The following SDK1 variants were observed in gnomAD, a reference collection of about 807,000 sequenced individuals.
SDK1 encodes sidekick cell adhesion molecule 1.
SDK1 carries 157 observed loss-of-function variants against 245.5 expected under a neutral mutation model. The ratio of observed to expected loss-of-function variants is 0.64; its 90% confidence interval spans 0.56 to 0.73. The LOEUF (loss-of-function observed/expected upper bound fraction) is 0.73. Ranked by LOEUF, SDK1 falls within the 30% of genes least tolerant of loss-of-function variation. The pLI, the probability that SDK1 is intolerant of heterozygous loss-of-function variation, is 0.00. For missense variants in SDK1, 3,583 were observed against 3,002.3 expected, an observed-to-expected ratio of 1.19 and a Z score of -4.52; for synonymous variants, 1,647 against 1,278.5, an observed-to-expected ratio of 1.29 and a Z score of -6.15.
intron 22 of SDK1, among the ~76,000 whole-genome samples, chr7:4,099,365 G>A (rs1782389051): frequency 6.8e-6 from 1 of 147,468 alleles, no homozygotes; most frequent in South Asian, 2.2e-4. Context: ...AGCACCGGGT[G>A]GGTCAGGAGG....
At chr7:3,584,937 G>T (rs1237703259) in intron 1 of SDK1, among the ~76,000 whole-genome samples, 2 of 152,016 alleles carry the variant, frequency 1.3e-5, no homozygotes, top group African/African-American at 4.8e-5. Flanking sequence ...TGTTAGCCAG[G>T]ATGGTCCCGA....
rs1057212809 is a variant in SDK1 at position 3,633,447 on chromosome 7, T to C, written c.459-5557T>C. The stretch of plus-strand genomic sequence containing the variant: ...CTTGGAAAGGACTGCTGAACAGTAT[T>C]CTAAAATAGTATTTTGTTAGATGTT... On this transcript the variant is annotated intron_variant, in intron 2 of 44. Coordinates refer to ENST00000404826, the MANE Select transcript of SDK1 (RefSeq NM_152744.4). 3.3e-5 allele frequency among the ~76,000 whole-genome samples: 5 copies of C among 152,276 alleles called. No individual in the cohort carries two copies. In the South Asian group the frequency reaches 1.0e-3, roughly 32 times the overall value.
rs577715390 is a variant in SDK1 at position 3,975,614 on chromosome 7, G to A, written c.1994+1069G>A. ...CATGTGGCTTCTGTGTCTGCCACACGCATGTGGAAATGAGTGAACTCACAA... is the reference window on the plus strand; with the variant it reads ...CATGTGGCTTCTGTGTCTGCCACACACATGTGGAAATGAGTGAACTCACAA... On this transcript the variant is annotated intron_variant, in intron 13 of 44. Transcript: ENST00000404826. 6.6e-5 allele frequency among the ~76,000 whole-genome samples: 10 copies of A among 152,332 alleles called. No homozygotes were observed. In the South Asian group the frequency reaches 1.0e-3, roughly 16 times the overall value.
intron 5 of SDK1, among the ~76,000 whole-genome samples, chr7:3,858,377 C>T (rs941746322): frequency 2.6e-5 from 4 of 151,936 alleles, no homozygotes; most frequent in African/African-American, 9.7e-5. Flanking sequence ...CATAGTGAGA[C>T]CCCATCTCAA....
intron 5 of SDK1, among the ~76,000 whole-genome samples, chr7:3,872,244 C>T (rs1352322268): frequency 6.6e-6 from 1 of 152,080 alleles, no homozygotes; most frequent in Non-Finnish European, 1.5e-5. Flanking sequence ...GAGAGTTATT[C>T]ATCCATAGTT....
At chr7:4,021,281 A>T (rs896079600) in intron 17 of SDK1, among the ~76,000 whole-genome samples, 1 of 152,088 alleles carries the variant, frequency 6.6e-6, no homozygotes, top group Non-Finnish European at 1.5e-5. Flanking sequence ...CTATCCACAG[A>T]TCGGGGTACT....
intron 1 of SDK1, among the ~76,000 whole-genome samples, chr7:3,543,626 A>G (rs1013540958): frequency 6.6e-6 from 1 of 152,150 alleles, no homozygotes; most frequent in African/African-American, 2.4e-5. Context: ...AAAGTTTGGA[A>G]TGGTGCACTC....
intron 5 of SDK1, among the ~76,000 whole-genome samples, chr7:3,944,024 G>A (rs1203001969): frequency 4.6e-5 from 7 of 152,206 alleles, no homozygotes; most frequent in East Asian, 1.9e-4. Context: ...CCTGGGAAAC[G>A]TTCAGTTGAG....
intron 1 of SDK1, among the ~76,000 whole-genome samples, chr7:3,387,358 G>C (rs537476113): frequency 4.6e-5 from 7 of 152,108 alleles, no homozygotes; most frequent in Non-Finnish European, 1.0e-4. Flanking sequence ...CCAGAGGTGG[G>C]CTGTCTTCTC....
intron 1 of SDK1, among the ~76,000 whole-genome samples, chr7:3,401,347 A>G (rs1421788478): frequency 6.6e-6 from 1 of 152,136 alleles, no homozygotes; most frequent in East Asian, 1.9e-4. Context: ...AACAATTACA[A>G]TTTTCCTGTT....
chr7:3,633,947 C>T (rs748224203), intron 2 of SDK1, among the ~76,000 whole-genome samples: 2 of 152,096 alleles, frequency 1.3e-5, no homozygotes, highest in African/African-American at 2.4e-5. Flanking sequence ...TGGCACTGGA[C>T]ACTCCCCTAC....
At chr7:3,703,977 G>A (rs1784814488) in intron 4 of SDK1, among the ~76,000 whole-genome samples, 1 of 152,274 alleles carries the variant, frequency 6.6e-6, no homozygotes, top group Middle Eastern at 3.4e-3. Flanking sequence ...GTATGGTGGT[G>A]AAGTCTGAGA....
At position 3,988,143 on chromosome 7, in the gene SDK1, T is replaced by G. The variant is rs1377535619; in HGVS notation, c.2131+821T>G. On this transcript the variant is annotated intron_variant, in intron 14 of 44. Transcript: ENST00000404826. ...TCCATCTTTTTAATGTTTTTTTTTT[T>G]TTTTTTTTTTTTTTACCTCACTCCT... 5.5e-5 allele frequency among the ~76,000 whole-genome samples: 8 copies of G among 145,318 alleles called. No individual in the cohort carries two copies. The East Asian group carries it at 5.9e-4, about 11-fold the overall frequency.
At chr7:3,654,568 A>G (rs1783104235) in intron 4 of SDK1, among the ~76,000 whole-genome samples, 1 of 152,216 alleles carries the variant, frequency 6.6e-6, no homozygotes, top group Non-Finnish European at 1.5e-5. Flanking sequence ...CACATGACGC[A>G]GTTGGACTTA....
intron 1 of SDK1, among the ~76,000 whole-genome samples, chr7:3,550,397 G>T (rs146748257): frequency 4.5e-4 from 69 of 152,294 alleles, no homozygotes; most frequent in African/African-American, 1.6e-3. Flanking sequence ...GCACGAGTAA[G>T]AACTATGTGT....
intron 4 of SDK1, among the ~76,000 whole-genome samples, chr7:3,785,132 C>T (rs991710424): frequency 2.0e-5 from 3 of 152,080 alleles, no homozygotes; most frequent in African/African-American, 7.2e-5. Context: ...CAATCTCACT[C>T]ATCTGTGAAT....
chr7:3,786,631 G>T (rs1226580995), intron 4 of SDK1, among the ~76,000 whole-genome samples: 1 of 152,196 alleles, frequency 6.6e-6, no homozygotes, highest in African/African-American at 2.4e-5. Context: ...CTGAAATACA[G>T]TACAGCCTAT....
At chr7:3,637,111 G>GTA (rs60078934) in intron 2 of SDK1, among the ~76,000 whole-genome samples, 23 of 151,076 alleles carry the variant, frequency 1.5e-4, no homozygotes, top group South Asian at 4.2e-4. Flanking sequence ...GTGTGTGTGT[G>GTA]TTTTGAGAGA....
rs183222883 is a variant in SDK1, at chr7:3,773,621, G to A, written c.714-47829G>A. On this transcript the variant is annotated intron_variant, in intron 4 of 44. Coordinates refer to ENST00000404826, the MANE Select transcript of SDK1 (RefSeq NM_152744.4). ...TTTGTATGCCTTGTGATTTTTTGTTGTTGTTGGAAAGTGGACTTTTGAATC... is the reference window on the plus strand; with the variant it reads ...TTTGTATGCCTTGTGATTTTTTGTTATTGTTGGAAAGTGGACTTTTGAATC... Among the ~76,000 whole-genome samples, 29 of 152,020 alleles carry A rather than the reference G, an allele frequency of 1.9e-4. 1 individual carries two copies. The East Asian group carries it at 5.6e-3, about 29-fold the overall frequency.
Sources: gnomAD v4.1 joint callset for allele counts (sites outside exome capture counted in the v4.1 genomes callset) on GRCh38, gnomAD v4.1.1 for gene constraint, MANE v1.5 for transcripts, NCBI Gene and HGNC (gene_info 2026-07-23, HGNC 2026-07-21) for gene names.